LAMA4: variants seen among roughly 807,000 people sequenced by gnomAD.
LAMA4 encodes laminin subunit alpha 4.
LAMA4 carries 127 observed loss-of-function variants against 207.1 expected under a neutral mutation model. The ratio of observed to expected loss-of-function variants is 0.61; its 90% CI spans 0.53 to 0.71. The LOEUF is 0.71. Among genes scored for constraint, LAMA4 ranks in the 30% least tolerant of loss-of-function variants. The pLI, the probability that LAMA4 is intolerant of heterozygous loss-of-function variation, is 0.00. For missense variants in LAMA4, 2,093 were observed against 2,246.5 expected (o/e 0.93, Z 1.38); for synonymous variants, 761 against 816.0 (o/e 0.93, Z 1.15).
chr6:112,182,997 G>A (rs1333222663), intron 9 of LAMA4, among the ~76,000 whole-genome samples: 3 of 152,204 alleles, frequency 2.0e-5, no homozygotes, highest in African/African-American at 7.2e-5. Context: ...CTTCCCAGTA[G>A]AAGGCTGGAG....
rs782523789 is a variant in LAMA4, at chr6:112,133,381, C to T, written c.3664G>A (p.Gly1222Arg). 1.9e-6 allele frequency: 3 copies of T among 1,613,650 alleles called. No homozygotes were observed. Among genetic ancestry groups the T allele is most frequent in the Non-Finnish European group, 2.5e-6 (3 of 1,179,752 alleles). Residue 1222 changes from glycine (G) to arginine (R), a missense_variant, in exon 27 of 39, where the codon GGA (glycine) becomes AGA (arginine). This residue lies in a region of LAMA4 where 1,704 missense variants were observed against 1,788.4 expected (regional missense o/e 0.95). Coordinates refer to ENST00000230538, the MANE Select transcript of LAMA4 (RefSeq NM_001105206.3). ...FNLLEQTETLGVGYGCPEDSL... is the reference protein window; with the variant it reads ...FNLLEQTETLRVGYGCPEDSL... ...TCTTCTGGGCATCCATAACCAACTC[C>T]CAGGGTTTCTGTCTGCTCCAGTAAA...
chr6:112,115,714 T>C (rs1777977911), intron 36 of LAMA4, 149 bp downstream of exon 36: 1 of 863,794 alleles, frequency 1.2e-6, no homozygotes, highest in African/African-American at 1.7e-5. Context: ...AATCCAAATA[T>C]TGCCCACATT....
At chr6:112,172,421 A>C in intron 12 of LAMA4, 190 bp downstream of exon 12, 1 of 606,612 alleles carries the variant, frequency 1.6e-6, no homozygotes, top group Non-Finnish European at 2.9e-6. Flanking sequence ...CTAGACAATT[A>C]TCCTAGTTTC....
At chr6:112,138,670 A>G (rs1779499753) in intron 24 of LAMA4, among the ~76,000 whole-genome samples, 3 of 152,096 alleles carry the variant, frequency 2.0e-5, no homozygotes, top group Non-Finnish European at 4.4e-5. Flanking sequence ...TACTATATTT[A>G]TATCTGTTTA....
intron 31 of LAMA4, among the ~76,000 whole-genome samples, chr6:112,128,122 A>G (rs879977111): frequency 2.6e-5 from 4 of 152,176 alleles, no homozygotes; most frequent in African/African-American, 9.7e-5. Flanking sequence ...TGTTACACAA[A>G]AGCAAATGAT....
At chr6:112,161,720 A>C (rs1304635945) in intron 13 of LAMA4, among the ~76,000 whole-genome samples, 1 of 152,144 alleles carries the variant, frequency 6.6e-6, no homozygotes, top group Non-Finnish European at 1.5e-5. Context: ...GGGTGGGATG[A>C]GGAGTGAGTG....
chr6:112,221,190 C>A (rs1443359259), intron 2 of LAMA4, among the ~76,000 whole-genome samples: 1 of 152,106 alleles, frequency 6.6e-6, no homozygotes, highest in Non-Finnish European at 1.5e-5. Flanking sequence ...GGATCAGACC[C>A]AAGTCTCCAG....
At chr6:112,109,613 T>C in intron 38 of LAMA4, 31 bp from the exon 39 acceptor site, 6 of 1,613,252 alleles carry the variant, frequency 3.7e-6, no homozygotes, top group Non-Finnish European at 5.1e-6. Context: ...AAACAAAGAT[T>C]GCAATTGAGG....
intron 9 of LAMA4, among the ~76,000 whole-genome samples, chr6:112,180,933 A>T (rs561574939): frequency 6.6e-6 from 1 of 152,284 alleles, no homozygotes; most frequent in Non-Finnish European, 1.5e-5. Context: ...TGAATTGCAG[A>T]TTCACATCTC....
intron 2 of LAMA4, among the ~76,000 whole-genome samples, chr6:112,249,463 A>AT (rs1208857335): frequency 2.2e-4 from 33 of 151,204 alleles, no homozygotes; most frequent in Non-Finnish European, 2.9e-4. Flanking sequence ...AAAAAAAAAA[A>AT]AAAAGGAATT....
intron 38 of LAMA4, among the ~76,000 whole-genome samples, chr6:112,112,676 C>A (rs1777771469): frequency 6.6e-6 from 1 of 151,996 alleles, no homozygotes; most frequent in Non-Finnish European, 1.5e-5. Flanking sequence ...AGAAGAGTTG[C>A]TTTGCGAGGG....
Position 112,185,282 on chromosome 6 carries a change from G to T in LAMA4, c.1032C>A (p.Asn344Lys). ...CGTCAGACAGAAGGCTTTTCATCGTGTTCTCAGCATTGTTGATTTGTATCT... is the reference window on the plus strand; with the variant it reads ...CGTCAGACAGAAGGCTTTTCATCGTTTTCTCAGCATTGTTGATTTGTATCT... ...LRKIQINNAE[N>K]TMKSLLSDVE... The change falls in exon 9 of 39, where the codon AAC becomes AAA. Residue 344 changes from asparagine (N) to lysine (K), a missense_variant. Coordinates refer to ENST00000230538, the MANE Select transcript of LAMA4 (RefSeq NM_001105206.3). 1 of 1,613,496 alleles carries T rather than the reference G, an allele frequency of 6.2e-7. No individual in the cohort carries two copies. Among genetic ancestry groups the T allele is most frequent in the Non-Finnish European group, 8.5e-7 (1 of 1,179,414 alleles).
intron 24 of LAMA4, among the ~76,000 whole-genome samples, chr6:112,137,912 C>G (rs1554332026): frequency 1.3e-5 from 2 of 152,110 alleles, no homozygotes; most frequent in African/African-American, 4.8e-5. Context: ...ACTGTCACAT[C>G]AATGTAAGGG....
chr6:112,152,222 T>C (rs1329907018), intron 16 of LAMA4, among the ~76,000 whole-genome samples: 1 of 152,110 alleles, frequency 6.6e-6, no homozygotes, highest in African/African-American at 2.4e-5. Flanking sequence ...CGTATAAAAG[T>C]GGTGTTATTT....
chr6:112,201,481 G>GT, intron 5 of LAMA4, 127 bp downstream of exon 5: 1 of 843,482 alleles, frequency 1.2e-6, no homozygotes. Context: ...TTGAAATGCA[G>GT]TCCCTCAACC....
At chr6:112,130,559 AT>A in intron 29 of LAMA4, among the ~76,000 whole-genome samples, 1 of 152,160 alleles carries the variant, frequency 6.6e-6, no homozygotes, top group East Asian at 1.9e-4. Flanking sequence ...AGTATTATCT[AT>A]TTTAAAGATG....
intron 31 of LAMA4, among the ~76,000 whole-genome samples, chr6:112,122,950 C>T (rs951965799): frequency 1.3e-5 from 2 of 152,088 alleles, no homozygotes; most frequent in Non-Finnish European, 2.9e-5. Context: ...ACATGCCTCC[C>T]GTGGGTGGCA....
intron 6 of LAMA4, among the ~76,000 whole-genome samples, chr6:112,190,931 C>T (rs1208155257): frequency 8.3e-4 from 66 of 79,414 alleles, no homozygotes; most frequent in Admixed American, 2.1e-3. Context: ...TTCTTTCTTT[C>T]TTTCTTTCTT....
Position 112,130,055 on chromosome 6 carries a change from G to A in LAMA4, c.3969-15C>T. 6.2e-7 allele frequency: 1 copy of A among 1,610,304 alleles called. No individual in the cohort carries two copies. The highest frequency in any genetic ancestry group is 1.3e-5 in the African/African-American group (1 of 74,898). ...TCAGTTCATATCTGCAAAAGAAAAA[G>A]GCTTCTTTACATACCACAGAGCTAG... On this transcript the variant is annotated splice_polypyrimidine_tract_variant and intron_variant, in intron 29 of 38. Transcript: ENST00000230538.
Sources: allele counts gnomAD v4.1 joint callset (sites outside exome capture counted in the v4.1 genomes callset), GRCh38; gene constraint gnomAD v4.1.1; regional missense constraint gnomAD v4.1.1; transcripts MANE v1.5; gene names NCBI Gene and HGNC (gene_info 2026-07-23, HGNC 2026-07-21).